CEP76: variants seen among roughly 807,000 people sequenced by gnomAD.
The protein encoded by CEP76 is centrosomal protein of 76 kDa.
Under a neutral mutation model 83.3 loss-of-function variants are expected in CEP76, and 55 were observed. The ratio of observed to expected loss-of-function variants is 0.66; its 90% CI spans 0.53 to 0.83. The LOEUF (loss-of-function observed/expected upper bound fraction) is 0.83, where lower values mean the gene tolerates loss of function less well. Ranked by LOEUF, CEP76 falls within the 40% of genes least tolerant of loss-of-function variation. The probability of loss-of-function intolerance (pLI) is 0.00; values close to 1 mark genes in which losing one functional copy is unlikely to be tolerated. For missense variants in CEP76, 694 were observed against 799.5 expected (o/e 0.87, Z 1.59); for synonymous variants, 270 against 274.5 (o/e 0.98, Z 0.16).
intron 8 of CEP76, chr18:12,685,012 C>CT (rs932893246): frequency 5.6e-4 from 81 of 145,904 alleles, no homozygotes; most frequent in Admixed American, 6.9e-4. Context: ...GCCATTTTCT[C>CT]TTTTTTTTTT....
chr18:12,672,176 G>A (rs141330071), downstream of CEP76, among the ~76,000 whole-genome samples: 41 of 140,028 alleles, frequency 2.9e-4, no homozygotes, highest in African/African-American at 1.1e-3. Flanking sequence ...GTGCAGTGGC[G>A]CGATCTCACC....
At chr18:12,689,976 A>T (rs2039691541) in intron 7 of CEP76, among the ~76,000 whole-genome samples, 1 of 152,160 alleles carries the variant, frequency 6.6e-6, no homozygotes, top group Non-Finnish European at 1.5e-5. Context: ...TTTAGTAGAG[A>T]CAAGGTTTCG....
downstream of CEP76, among the ~76,000 whole-genome samples, chr18:12,672,279 C>G (rs1018121372): frequency 1.3e-5 from 2 of 151,806 alleles, no homozygotes; most frequent in Non-Finnish European, 2.9e-5. Context: ...CGCACCCGGC[C>G]TAATTTTCGT....
chr18:12,692,994 T>A (rs1409867944), intron 6 of CEP76, among the ~76,000 whole-genome samples: 2 of 152,164 alleles, frequency 1.3e-5, no homozygotes, highest in East Asian at 3.8e-4. Context: ...AGTTAATTTT[T>A]AAAAATTTTT....
chr18:12,678,621 C>T (rs2039229528), intron 9 of CEP76, among the ~76,000 whole-genome samples, 179 bp from the exon 10 acceptor site: 2 of 152,042 alleles, frequency 1.3e-5, no homozygotes, highest in South Asian at 4.1e-4. Flanking sequence ...TATGGTACGT[C>T]TTTACAATAT....
At chr18:12,663,638 T>G (rs2038743690) in intron 12 of CEP76, among the ~76,000 whole-genome samples, 1 of 152,230 alleles carries the variant, frequency 6.6e-6, no homozygotes, top group Non-Finnish European at 1.5e-5. Context: ...AATGGAGAAT[T>G]ATCAATAAAA....
Position 12,699,080 on chromosome 18 carries a change from A to G in CEP76, c.419T>C (p.Leu140Ser). 3.1e-6 allele frequency: 5 copies of G among 1,614,130 alleles called. No individual in the cohort carries two copies. Among genetic ancestry groups the G allele is most frequent in the East Asian group, 4.5e-5 (2 of 44,870 alleles). ...GQVCSTFTLC[L>S]HYRNQRFRSK... is the part of the protein sequence containing the mutation. Reference sequence around the variant, plus strand: ...ACGAAAACGTTGGTTTCGATAATGTAAACATAAAGTAAACGTTGAACAAAC... The same window carrying G: ...ACGAAAACGTTGGTTTCGATAATGTGAACATAAAGTAAACGTTGAACAAAC... Residue 140 changes from leucine to serine, a missense_variant, in exon 4 of 12, where the codon TTA becomes TCA. By Grantham distance (145) the Leu-to-Ser change is moderately radical. Transcript: ENST00000262127.
At chr18:12,665,888 G>C (rs983969614) in intron 12 of CEP76, among the ~76,000 whole-genome samples, 1 of 152,094 alleles carries the variant, frequency 6.6e-6, no homozygotes, top group Non-Finnish European at 1.5e-5. Context: ...GTAGAGACAG[G>C]GTTTCACCAT....
intron 8 of CEP76, 180 bp downstream of exon 8, chr18:12,686,082 A>T: frequency 2.0e-6 from 1 of 488,102 alleles, no homozygotes; most frequent in Non-Finnish European, 3.6e-6. Flanking sequence ...TTATTATTGT[A>T]ATTTTTTACT....
At chr18:12,685,001 T>C (rs934698419) in intron 8 of CEP76, 5 of 152,042 alleles carry the variant, frequency 3.3e-5, no homozygotes, top group African/African-American at 1.2e-4. Context: ...AATTTTGTAC[T>C]GCCATTTTCT....
intron 8 of CEP76, chr18:12,685,543 C>T (rs1042189177): frequency 6.6e-6 from 1 of 152,116 alleles, no homozygotes; most frequent in Admixed American, 6.6e-5. Flanking sequence ...GAACAAGGTT[C>T]TGACGTGGTC....
At chr18:12,701,413 T>A (rs936074217) in intron 1 of CEP76, among the ~76,000 whole-genome samples, 114 of 152,306 alleles carry the variant, frequency 7.5e-4, no homozygotes, top group Non-Finnish European at 1.9e-4. Context: ...GATCAAAGTA[T>A]GATCTTATTA....
intron 8 of CEP76, 50 bp from the exon 9 acceptor site, chr18:12,680,878 A>G: frequency 6.8e-7 from 1 of 1,475,784 alleles, no homozygotes; most frequent in South Asian, 1.2e-5. Context: ...TTATTTCCTC[A>G]TTACATACTT....
chr18:12,673,398 G>T lies in CEP76; in HGVS notation c.1947C>A (p.Ile649=), dbSNP rs780897774. ...CCGAGCGATATTTACAAGCAAACAT[G>T]ATCCAAACAGCACATGCAGATTCAG... is the stretch of plus-strand genomic sequence containing the variant. ...TYPESACAVW[I]MFACKYRSVL is the part of the protein sequence containing the mutation. Residue 649 remains isoleucine, a synonymous_variant, in exon 12 of 12, where the codon ATC becomes ATA. Transcript: ENST00000262127. 6.2e-7 allele frequency: 1 copy of T among 1,606,266 alleles called. No individual in the cohort carries two copies. The highest frequency in any genetic ancestry group is 1.3e-5 in the African/African-American group (1 of 74,142).
intron 1 of CEP76, 124 bp downstream of exon 1, chr18:12,702,362 G>A (rs771731400): frequency 2.8e-6 from 2 of 720,028 alleles, no homozygotes; most frequent in Non-Finnish European, 4.8e-6. Context: ...ACTCTGCGTT[G>A]CGCACCCCAC....
downstream of CEP76, chr18:12,670,450 TAC>T (rs1379590156): frequency 6.6e-6 from 1 of 152,190 alleles, no homozygotes; most frequent in East Asian, 1.9e-4. Context: ...GCATATTTAT[TAC>T]AGAGTTTACA....
intron 9 of CEP76, among the ~76,000 whole-genome samples, chr18:12,680,317 C>T (rs999637834): frequency 1.3e-5 from 2 of 151,994 alleles, no homozygotes; most frequent in Non-Finnish European, 2.9e-5. Context: ...TAACTTAAGC[C>T]GGACACAGTG....
rs1046653667 is a variant in CEP76, at chr18:12,673,295, A to T, written c.*70T>A. ...TGATTTTAAAATAACAAACCTCTAA[A>T]TAGCTAAGTAATGTACAATGTGTAA... is the stretch of plus-strand genomic sequence containing the variant. On this transcript the variant is annotated 3_prime_UTR_variant, in exon 12 of 12. Coordinates refer to ENST00000262127, the MANE Select transcript of CEP76 (RefSeq NM_024899.4). 8 of 1,518,866 alleles carry T rather than the reference A, an allele frequency of 5.3e-6. No homozygotes were observed. The African/African-American group carries it at 1.0e-4, about 19-fold the overall frequency. 94.1% of individuals were successfully genotyped at this position (1,518,866 alleles called of 1,614,324 possible).
chr18:12,673,075 T>C lies in CEP76; in HGVS notation c.*290A>G. The C allele has an allele frequency of 2.0e-6, 2 of 1,010,516 alleles. No homozygotes were observed. The highest frequency in any genetic ancestry group is 2.4e-6 in the Non-Finnish European group (2 of 836,724). The allele number at this position is 1,010,516 out of a possible 1,614,324, so 62.6% of individuals were successfully genotyped here. ...TGTAAAGAAAACTGAATGCATTTTA[T>C]ATTAATATTTAAACTACTGATAACT... On this transcript the variant is annotated 3_prime_UTR_variant, in exon 12 of 12. Coordinates refer to ENST00000262127, the MANE Select transcript of CEP76 (RefSeq NM_024899.4).
Sources: gnomAD v4.1 joint callset for allele counts (sites outside exome capture counted in the v4.1 genomes callset) on GRCh38, gnomAD v4.1.1 for gene constraint, MANE v1.5 for transcripts, NCBI Gene and HGNC (gene_info 2026-07-23, HGNC 2026-07-21) for gene names.